KIAA0319L: variants seen among roughly 807,000 people sequenced by gnomAD.
The protein encoded by KIAA0319L is dyslexia-associated protein KIAA0319-like protein.
KIAA0319L carries 55 observed loss-of-function variants against 120.1 expected under a neutral mutation model. The ratio of observed to expected loss-of-function variants is 0.46; its 90% CI spans 0.37 to 0.57. The LOEUF is 0.57. Among genes scored for constraint, KIAA0319L ranks in the 20% least tolerant of loss-of-function variants. The probability of loss-of-function intolerance (pLI) is 0.00; values close to 1 mark genes in which losing one functional copy is unlikely to be tolerated. For missense variants in KIAA0319L, 1,049 were observed against 1,255.3 expected, an observed-to-expected ratio of 0.84 and a Z score of 2.48; for synonymous variants, 398 against 471.9, an observed-to-expected ratio of 0.84 and a Z score of 2.03.
chr1:35,484,791 TATATATATATATA>T (rs1179489920), intron 3 of KIAA0319L, among the ~76,000 whole-genome samples: 3,146 of 65,470 alleles, frequency 0.048, 148 homozygotes, highest in East Asian at 0.31. Context: ...TATATATATA[TATATATATATATA>T]TATTTTTTTT....
chr1:35,497,462 G>T (rs1644852854), intron 3 of KIAA0319L, among the ~76,000 whole-genome samples: 1 of 152,096 alleles, frequency 6.6e-6, no homozygotes. Flanking sequence ...TTTCTAGAGG[G>T]GGTGAGAGGG....
chr1:35,503,140 A>G (rs893771636), intron 3 of KIAA0319L, among the ~76,000 whole-genome samples: 3 of 152,084 alleles, frequency 2.0e-5, no homozygotes, highest in Non-Finnish European at 4.4e-5. Flanking sequence ...CCCCAATCCC[A>G]TCTACCTCTA....
In KIAA0319L at chr1:35,470,998, A is replaced by G. The variant is rs555307143; in HGVS notation, c.1016-38T>C. ...AGTTACAAAAATCATGAAAACACACACCAACACACAAAGAGGACAGCCACA... is the reference window on the plus strand; with the variant it reads ...AGTTACAAAAATCATGAAAACACACGCCAACACACAAAGAGGACAGCCACA... On this transcript the variant is annotated intron_variant, in intron 5 of 20. Coordinates refer to ENST00000325722, the MANE Select transcript of KIAA0319L (RefSeq NM_024874.5). The G allele has an allele frequency of 2.4e-5, 27 of 1,142,534 alleles. No homozygotes were observed. In the African/African-American group the frequency reaches 4.0e-4, roughly 17 times the overall value. The allele number at this position is 1,142,534 out of a possible 1,614,324, so 70.8% of individuals were successfully genotyped here. A position where few individuals can be genotyped will look rare whatever the true frequency, so the allele number is the denominator to read the frequency against.
At chr1:35,554,628 G>C in intron 1 of KIAA0319L, 109 bp from the exon 2 acceptor site, 1 of 763,842 alleles carries the variant, frequency 1.3e-6, no homozygotes, top group East Asian at 2.8e-5. Flanking sequence ...AAAATTTCAA[G>C]TTTGTCTTTA....
chr1:35,456,226 G>A lies in KIAA0319L; in HGVS notation c.1443C>T (p.Asp481=). The A allele has an allele frequency of 6.3e-7, 1 of 1,582,736 alleles. No homozygotes were observed. The highest frequency in any genetic ancestry group is 1.2e-5 in the South Asian group (1 of 86,482). ...TAGTAGAGTTGGTAGCTCCATCAGA[G>A]TCTACTACAGTCAAGCTATCAGGGC... is the stretch of plus-strand genomic sequence containing the variant. ...GNYTFSLTVV[D]SDGATNSTTA... Residue 481 remains aspartate, a synonymous_variant, in exon 10 of 21, where the codon GAC becomes GAT. Transcript: ENST00000325722.
In KIAA0319L at chr1:35,532,688, G is replaced by A. The variant is rs146514498; in HGVS notation, c.142+21662C>T. The stretch of plus-strand genomic sequence containing the variant: ...TAGATCAGTTCCTCTCCCTGCCCAC[G>A]CTGCCATACCCTGGCTCTGCTCCCA... On this transcript the variant is annotated intron_variant, in intron 2 of 20. Transcript: ENST00000325722. 1.4e-3 allele frequency among the ~76,000 whole-genome samples: 206 copies of A among 152,230 alleles called. 4 individuals are homozygous for A. In the East Asian group the frequency reaches 0.031, roughly 23 times the overall value.
At chr1:35,528,312 T>C (rs1646232860) in intron 2 of KIAA0319L, among the ~76,000 whole-genome samples, 1 of 152,126 alleles carries the variant, frequency 6.6e-6, no homozygotes. Context: ...GAACTCCTGG[T>C]CTCAAGTGAT....
chr1:35,531,838 G>T (rs764020117), intron 2 of KIAA0319L, among the ~76,000 whole-genome samples: 1 of 151,974 alleles, frequency 6.6e-6, no homozygotes, highest in African/African-American at 2.4e-5. Flanking sequence ...TTATATCTTC[G>T]ACAATGACTA....
chr1:35,515,239 G>A (rs1381387658), intron 2 of KIAA0319L, among the ~76,000 whole-genome samples: 1 of 151,496 alleles, frequency 6.6e-6, no homozygotes, highest in Non-Finnish European at 1.5e-5. Context: ...TTGAACCTGG[G>A]AGGCAGAGGC....
chr1:35,441,598 G>A (rs1209573785), intron 19 of KIAA0319L, among the ~76,000 whole-genome samples: 2 of 152,050 alleles, frequency 1.3e-5, no homozygotes, highest in Non-Finnish European at 1.5e-5. Flanking sequence ...AGACAGTGAT[G>A]TACCTTTCCT....
intron 11 of KIAA0319L, 141 bp downstream of exon 11, chr1:35,454,221 G>T: frequency 1.3e-6 from 1 of 780,632 alleles, no homozygotes; most frequent in Non-Finnish European, 2.1e-6. Flanking sequence ...CAAGGGGAAG[G>T]AACAATAGAA....
chr1:35,554,323 A>T (rs1258578846), intron 2 of KIAA0319L, 27 bp downstream of exon 2: 2 of 1,507,752 alleles, frequency 1.3e-6, no homozygotes, highest in Admixed American at 2.4e-5. Context: ...AAAAAAAAAA[A>T]TCTTAAATCT....
intron 2 of KIAA0319L, among the ~76,000 whole-genome samples, chr1:35,513,296 T>A (rs866678084): frequency 0.034 from 4,741 of 139,198 alleles, 92 homozygotes; most frequent in African/African-American, 0.069. Context: ...ATATTTTTTT[T>A]TTTTTTTTTT....
chr1:35,540,765 T>C (rs1432874270), intron 2 of KIAA0319L, among the ~76,000 whole-genome samples: 3 of 152,190 alleles, frequency 2.0e-5, no homozygotes, highest in Non-Finnish European at 4.4e-5. Flanking sequence ...GTCTCTATTG[T>C]CATGGCATTA....
chr1:35,488,975 G>A (rs769720208), intron 3 of KIAA0319L, among the ~76,000 whole-genome samples: 2 of 152,188 alleles, frequency 1.3e-5, no homozygotes, highest in Non-Finnish European at 2.9e-5. Flanking sequence ...CAAACGAATG[G>A]TAGCTAAAGA....
At chr1:35,536,384 G>A (rs555109530) in intron 2 of KIAA0319L, among the ~76,000 whole-genome samples, 3 of 152,252 alleles carry the variant, frequency 2.0e-5, no homozygotes, top group South Asian at 4.1e-4. Flanking sequence ...CAGACCATTC[G>A]ACTTCACTCA....
chr1:35,504,446 T>C (rs570657282), intron 3 of KIAA0319L, among the ~76,000 whole-genome samples: 5 of 152,346 alleles, frequency 3.3e-5, no homozygotes, highest in African/African-American at 1.2e-4. Context: ...TCCGCCCGCC[T>C]TGGCCTCCCA....
At chr1:35,462,178 T>C (rs1361345297) in intron 8 of KIAA0319L, among the ~76,000 whole-genome samples, 3 of 152,104 alleles carry the variant, frequency 2.0e-5, no homozygotes, top group African/African-American at 7.2e-5. Context: ...TGTGAGTGTC[T>C]CCAGGAGGCG....
intron 2 of KIAA0319L, among the ~76,000 whole-genome samples, chr1:35,528,192 A>G (rs1427594800): frequency 6.6e-6 from 1 of 152,162 alleles, no homozygotes; most frequent in Non-Finnish European, 1.5e-5. Flanking sequence ...GGCTCAAGAG[A>G]TCCTCTTGTC....
Sources: gnomAD v4.1 joint callset for allele counts (sites outside exome capture counted in the v4.1 genomes callset) on GRCh38, gnomAD v4.1.1 for gene constraint, MANE v1.5 for transcripts, NCBI Gene and HGNC (gene_info 2026-07-23, HGNC 2026-07-21) for gene names.